GOLGA3: variants seen among roughly 807,000 people sequenced by gnomAD.
GOLGA3 encodes the protein golgin A3.
A neutral mutation model predicts 169.4 loss-of-function variants in GOLGA3; 75 were observed. The observed-to-expected ratio is 0.44, with a 90% CI of 0.37 to 0.54. GOLGA3 has a LOEUF of 0.54. GOLGA3 is among the 20% of genes least tolerant of loss of function. The pLI, the probability that GOLGA3 is intolerant of heterozygous loss-of-function variation, is 0.00. For missense variants in GOLGA3, 1,899 were observed against 1,930.0 expected (o/e 0.98, Z 0.30); for synonymous variants, 824 against 822.4 (o/e 1.00, Z -0.03).
chr12:132,805,744 G>A (rs546599704), intron 6 of GOLGA3, among the ~76,000 whole-genome samples: 14 of 152,366 alleles, frequency 9.2e-5, no homozygotes, highest in Non-Finnish European at 1.8e-4. Context: ...CCTGCACAGG[G>A]CAGCGCTAGG....
Position 132,822,149 on chromosome 12 carries a change from A to G in GOLGA3, c.-21T>C. On this transcript the variant is annotated 5_prime_UTR_variant, in exon 2 of 24. Transcript: ENST00000450791. ...TCCATGGTCAGGACGACACCAGCTG[A>G]GCTGACGCTGAGGGGCTACAAGTGA... is the stretch of plus-strand genomic sequence containing the variant. 1 of 1,590,064 alleles carries G rather than the reference A, an allele frequency of 6.3e-7. No individual in the cohort carries two copies. Among genetic ancestry groups the G allele is most frequent in the Non-Finnish European group, 8.5e-7 (1 of 1,171,292 alleles).
At chr12:132,798,542 G>A in intron 8 of GOLGA3, 65 bp from the exon 9 acceptor site, 1 of 1,474,554 alleles carries the variant, frequency 6.8e-7, no homozygotes, top group Non-Finnish European at 9.2e-7. Context: ...AGACCAGCCT[G>A]TCCCTGGAGG....
chr12:132,800,270 C>T (rs559060445), intron 8 of GOLGA3, among the ~76,000 whole-genome samples: 2 of 152,222 alleles, frequency 1.3e-5, no homozygotes, highest in East Asian at 1.9e-4. Context: ...CTGAGGAAGG[C>T]GGATCACAAG....
intron 20 of GOLGA3, 41 bp downstream of exon 20, chr12:132,776,917 G>C (rs753646760): frequency 6.4e-7 from 1 of 1,551,066 alleles, no homozygotes; most frequent in Non-Finnish European, 8.7e-7. Context: ...CAGGGCACCC[G>C]TGAGTCCAGC....
intron 17 of GOLGA3, among the ~76,000 whole-genome samples, chr12:132,781,166 G>A (rs2045583180): frequency 1.3e-5 from 2 of 152,170 alleles, no homozygotes; most frequent in Admixed American, 1.3e-4. Context: ...AGGATCGCTG[G>A]AGCCCAGGAG....
Position 132,774,169 on chromosome 12 carries a change from A to T in GOLGA3, c.4295T>A (p.Leu1432His). The part of the protein sequence containing the change: ...KEPLKNLNSC[L>H]QQLKQEMDSL... ...AATACGGTCGTACTTGAGCTGCTGGAGGCAGCTGTTCAGGTTCTTGAGGGG... is the reference window on the plus strand; with the variant it reads ...AATACGGTCGTACTTGAGCTGCTGGTGGCAGCTGTTCAGGTTCTTGAGGGG... Residue 1432 changes from leucine (L) to histidine (H), a missense_variant, in exon 23 of 24, where the codon CTC (leucine) becomes CAC (histidine). Transcript: ENST00000450791. The T allele has an allele frequency of 6.2e-7, 1 of 1,600,256 alleles. No homozygotes were observed. The highest frequency in any genetic ancestry group is 8.5e-7 in the Non-Finnish European group (1 of 1,172,372).
intron 8 of GOLGA3, 103 bp from the exon 9 acceptor site, chr12:132,798,580 C>G: frequency 7.0e-6 from 7 of 1,006,500 alleles, no homozygotes; most frequent in Non-Finnish European, 1.0e-5. Context: ...CTGGCTGCCC[C>G]CTCAGTGTCT....
chr12:132,825,884 T>G (rs1031637080), intron 1 of GOLGA3: 42 of 967,002 alleles, frequency 4.3e-5, no homozygotes, highest in Non-Finnish European at 7.1e-5. Context: ...GAAATGCCCC[T>G]TCACTGGTGA....
intron 3 of GOLGA3, among the ~76,000 whole-genome samples, chr12:132,813,752 T>G (rs1375573689): frequency 7.6e-5 from 10 of 131,554 alleles, no homozygotes; most frequent in South Asian, 2.6e-4. Flanking sequence ...TGAGATGGAG[T>G]CTCACTCTGT....
At chr12:132,821,645 G>C (rs1331745542) in intron 2 of GOLGA3, among the ~76,000 whole-genome samples, 1 of 151,978 alleles carries the variant, frequency 6.6e-6, no homozygotes, top group African/African-American at 2.4e-5. Flanking sequence ...ACGAAGTCAG[G>C]AGATCGAGAC....
chr12:132,803,249 G>C (rs1028146895), intron 7 of GOLGA3, among the ~76,000 whole-genome samples: 5 of 152,148 alleles, frequency 3.3e-5, no homozygotes, highest in African/African-American at 1.2e-4. Context: ...CGGGCGCCTA[G>C]GATGACTCAC....
chr12:132,795,337 CAA>C (rs1433645336), intron 11 of GOLGA3, among the ~76,000 whole-genome samples: 1 of 152,028 alleles, frequency 6.6e-6, no homozygotes, highest in Non-Finnish European at 1.5e-5. Context: ...ACTACAAATA[CAA>C]AAGTTAGCTG....
chr12:132,826,001 C>T (rs1950398442), intron 1 of GOLGA3: 3 of 1,128,306 alleles, frequency 2.7e-6, no homozygotes, highest in South Asian at 1.2e-5. Context: ...CAAGTACAAC[C>T]ACTTCGAGAA....
chr12:132,801,766 C>A lies in GOLGA3; in HGVS notation c.1800+1G>T. 2 of 1,611,848 alleles carry A rather than the reference C, an allele frequency of 1.2e-6. No individual in the cohort carries two copies. The highest frequency in any genetic ancestry group is 1.7e-6 in the Non-Finnish European group (2 of 1,179,598). On this transcript the variant is annotated splice_donor_variant, in intron 8 of 23. Coordinates refer to ENST00000450791, the MANE Select transcript of GOLGA3 (RefSeq NM_001389683.1). LOFTEE classifies it high-confidence loss of function. ...CCCTGGAAGGTAGATGTGGGCCGTA[C>A]CTGGATGTGGGCCATCTCACCCTGC...
chr12:132,785,940 C>T (rs530192908), intron 15 of GOLGA3, among the ~76,000 whole-genome samples: 14 of 152,246 alleles, frequency 9.2e-5, no homozygotes, highest in Non-Finnish European at 1.9e-4. Flanking sequence ...CAATCGCTGA[C>T]CCCATGCCCT....
At chr12:132,783,866 C>T (rs556292089) in intron 16 of GOLGA3, 28 of 1,420,166 alleles carry the variant, frequency 2.0e-5, no homozygotes, top group African/African-American at 1.4e-4. Flanking sequence ...ATGAGCCACT[C>T]GCCTGGCGAA....
intron 4 of GOLGA3, among the ~76,000 whole-genome samples, chr12:132,811,555 G>A (rs991047333): frequency 6.6e-6 from 1 of 151,888 alleles, no homozygotes; most frequent in Non-Finnish European, 1.5e-5. Context: ...CTGCCGCCTG[G>A]GTTCAAGCGA....
chr12:132,828,641 CAG>C (rs1950523567), intron 1 of GOLGA3, 160 bp downstream of exon 1: 2 of 152,538 alleles, frequency 1.3e-5, no homozygotes, highest in South Asian at 3.9e-4. Flanking sequence ...GAGGCCACCG[CAG>C]CGAGGCGGGG....
chr12:132,804,052 G>T lies in GOLGA3; in HGVS notation c.1597+664C>A, dbSNP rs564013907. 6.6e-6 allele frequency among the ~76,000 whole-genome samples: 1 copy of T among 152,180 alleles called. No homozygotes were observed. Among genetic ancestry groups the T allele is most frequent in the Non-Finnish European group, 1.5e-5 (1 of 68,038 alleles). ...GGGACTGGCCCGGGCGGGGACTGAG[G>T]GGGTGGAAGGCGTGCTGCCAAGCCA... On this transcript the variant is annotated intron_variant, in intron 7 of 23. Transcript: ENST00000450791. The surrounding 1 kb of genome is among the most constrained non-coding windows in gnomAD (Gnocchi z 4.1).
Sources: gnomAD v4.1 joint callset for allele counts (sites outside exome capture counted in the v4.1 genomes callset) on GRCh38, gnomAD v4.1.1 for gene constraint, Gnocchi (gnomAD v3.1) non-coding constraint, MANE v1.5 for transcripts, NCBI Gene and HGNC (gene_info 2026-07-23, HGNC 2026-07-21) for gene names.